SERGEF: variants seen among roughly 807,000 people sequenced by gnomAD.
The protein encoded by SERGEF is secretion regulating guanine nucleotide exchange factor, also known as secretion-regulating guanine nucleotide exchange factor.
A neutral mutation model predicts 50.0 loss-of-function variants in SERGEF; 51 were observed. The observed-to-expected ratio is 1.02, with a 90% CI of 0.81 to 1.29. The LOEUF (loss-of-function observed/expected upper bound fraction) is 1.29, where lower values mean the gene tolerates loss of function less well. Ranked by LOEUF, SERGEF falls within the 50% of genes most tolerant of loss-of-function variation. The pLI is 0.00. For missense variants in SERGEF, 521 were observed against 557.0 expected (o/e 0.94, Z 0.65); for synonymous variants, 205 against 212.4 (o/e 0.97, Z 0.30).
At chr11:17,969,517 G>A (rs1448041091) in intron 8 of SERGEF, among the ~76,000 whole-genome samples, 1 of 152,122 alleles carries the variant, frequency 6.6e-6, no homozygotes, top group Non-Finnish European at 1.5e-5. Flanking sequence ...GCTGGGGGGT[G>A]AGGAGTGTGG....
At chr11:17,914,106 A>C (rs1852003312) in intron 9 of SERGEF, among the ~76,000 whole-genome samples, 1 of 152,230 alleles carries the variant, frequency 6.6e-6, no homozygotes, top group South Asian at 2.1e-4. Context: ...GGCTACAGCC[A>C]AAATGAACTA....
chr11:17,863,033 T>G (rs1322285920), intron 10 of SERGEF, among the ~76,000 whole-genome samples: 1 of 152,224 alleles, frequency 6.6e-6, no homozygotes, highest in Non-Finnish European at 1.5e-5. Flanking sequence ...GTCAAACCTC[T>G]GCAGGGAGCA....
chr11:17,857,362 G>C (rs961337782), intron 10 of SERGEF, among the ~76,000 whole-genome samples: 1 of 152,114 alleles, frequency 6.6e-6, no homozygotes, highest in Non-Finnish European at 1.5e-5. Flanking sequence ...TATGACCCCA[G>C]GGTTCTTCTT....
chr11:17,910,235 G>T (rs1430722676), intron 9 of SERGEF, among the ~76,000 whole-genome samples: 1 of 150,368 alleles, frequency 6.7e-6, no homozygotes, highest in Non-Finnish European at 1.5e-5. Flanking sequence ...GCTAAATCTT[G>T]TAAGTTCAGG....
chr11:17,895,252 A>G (rs1292586232), intron 9 of SERGEF, among the ~76,000 whole-genome samples: 3 of 152,252 alleles, frequency 2.0e-5, no homozygotes, highest in African/African-American at 7.2e-5. Context: ...TATTGAGGCC[A>G]GGTCCTAAAG....
At chr11:17,795,740 T>C (rs1221899845) in intron 10 of SERGEF, among the ~76,000 whole-genome samples, 1 of 152,358 alleles carries the variant, frequency 6.6e-6, no homozygotes. Flanking sequence ...GGACTTGTGC[T>C]GCACACAAGA....
At chr11:17,841,774 C>T (rs1051605692) in intron 10 of SERGEF, among the ~76,000 whole-genome samples, 3 of 152,182 alleles carry the variant, frequency 2.0e-5, no homozygotes, top group Non-Finnish European at 2.9e-5. Context: ...CCCCTCCAGC[C>T]TTTTCTCTGT....
intron 9 of SERGEF, among the ~76,000 whole-genome samples, chr11:17,910,976 T>C (rs540206762): frequency 1.3e-5 from 2 of 152,152 alleles, no homozygotes; most frequent in South Asian, 4.2e-4. Context: ...AATATTTAAA[T>C]AAAAGTCAGG....
rs1590175829 is a variant in SERGEF, at chr11:17,884,087, G to C, written c.1012-5843C>G. On this transcript the variant is annotated intron_variant, in intron 9 of 10. Coordinates refer to ENST00000265965, the MANE Select transcript of SERGEF (RefSeq NM_012139.4). This position sits in a 1 kb window ranked among gnomAD's most constrained non-coding sequence, Gnocchi z 4.6. ...GGCCGCTTTCCTCTACCAGAGAGGG[G>C]TAGCCAGCCGCAGCCCAAAGGCCAC... Among the ~76,000 whole-genome samples, 1 of 152,162 alleles carries C rather than the reference G, an allele frequency of 6.6e-6. No individual in the cohort carries two copies. Among genetic ancestry groups the C allele is most frequent in the Non-Finnish European group, 1.5e-5 (1 of 68,028 alleles).
chr11:18,012,617 G>A (rs1015087537), intron 1 of SERGEF: 275 of 1,174,634 alleles, frequency 2.3e-4, no homozygotes, highest in Non-Finnish European at 2.8e-4. Context: ...TCTCCACCGA[G>A]CCCTCCGCGC....
intron 9 of SERGEF, among the ~76,000 whole-genome samples, chr11:17,937,748 T>C (rs1424761563): frequency 2.0e-5 from 3 of 152,092 alleles, no homozygotes; most frequent in Non-Finnish European, 2.9e-5. Context: ...AGATGAACTT[T>C]CTAACAGTAA....
intron 9 of SERGEF, among the ~76,000 whole-genome samples, chr11:17,925,971 T>C (rs1198059158): frequency 3.3e-5 from 5 of 152,196 alleles, no homozygotes; most frequent in African/African-American, 1.2e-4. Flanking sequence ...GGGGAAACAA[T>C]ATATTTTGAA....
At position 17,969,789 on chromosome 11, in the gene SERGEF, C is replaced by T. The variant is rs1565218552; in HGVS notation, c.845-10153G>A. 1.3e-5 allele frequency among the ~76,000 whole-genome samples: 2 copies of T among 152,150 alleles called. 1 individual carries two copies. The highest frequency in any genetic ancestry group is 4.1e-4 in the South Asian group (2 of 4,826). On this transcript the variant is annotated intron_variant, in intron 8 of 10. Transcript: ENST00000265965. ...TATGTGATTCTCCTTACACAGTGAG[C>T]ACAACACTGTTCATCTGGAGAAAGA... is the stretch of plus-strand genomic sequence containing the variant.
chr11:17,799,368 T>C (rs1849625011), intron 10 of SERGEF, among the ~76,000 whole-genome samples: 1 of 152,258 alleles, frequency 6.6e-6, no homozygotes, highest in African/African-American at 2.4e-5. Flanking sequence ...TGTTCTCCTA[T>C]CTCTTACCTG....
rs563494268 is a variant in SERGEF at position 17,951,950 on chromosome 11, C to A, written c.1011+7520G>T. ...CCATTACAGAGTAAAGTGAACTAGT[C>A]CCTCCCAGGTAGCCTCCCTGCCCTA... is the stretch of plus-strand genomic sequence containing the variant. On this transcript the variant is annotated intron_variant, in intron 9 of 10. Transcript: ENST00000265965. 2.6e-5 allele frequency among the ~76,000 whole-genome samples: 4 copies of A among 152,256 alleles called. No homozygotes were observed. The East Asian group carries it at 7.7e-4, about 29-fold the overall frequency.
intron 10 of SERGEF, among the ~76,000 whole-genome samples, chr11:17,807,930 C>T (rs748727543): frequency 3.9e-5 from 6 of 152,230 alleles, no homozygotes; most frequent in Non-Finnish European, 7.3e-5. Flanking sequence ...AAATTGAGAA[C>T]ATGCCAATTT....
At position 17,979,024 on chromosome 11, in the gene SERGEF, A is replaced by G. The variant is rs1255145145; in HGVS notation, c.844+9573T>C. ...CCAAACACAAAATCCAAATATAATG[A>G]TAACGCTTCATCTCTCTAGCAGAGA... On this transcript the variant is annotated intron_variant, in intron 8 of 10. Transcript: ENST00000265965. 3.9e-5 allele frequency among the ~76,000 whole-genome samples: 6 copies of G among 152,244 alleles called. No individual in the cohort carries two copies. In the East Asian group the frequency reaches 9.6e-4, roughly 24 times the overall value.
intron 8 of SERGEF, among the ~76,000 whole-genome samples, chr11:17,962,933 G>A (rs1019909986): frequency 1.3e-5 from 2 of 152,122 alleles, no homozygotes; most frequent in South Asian, 2.1e-4. Context: ...TGTAATCCCA[G>A]CACTTTGGGA....
intron 10 of SERGEF, among the ~76,000 whole-genome samples, chr11:17,868,575 G>A (rs1263336088): frequency 2.0e-5 from 3 of 151,992 alleles, no homozygotes; most frequent in Admixed American, 6.6e-5. Flanking sequence ...TTCCAAAGTC[G>A]CACCCACATT....
Sources: gnomAD v4.1 joint callset for allele counts (sites outside exome capture counted in the v4.1 genomes callset) on GRCh38, gnomAD v4.1.1 for gene constraint, Gnocchi (gnomAD v3.1) non-coding constraint, MANE v1.5 for transcripts, NCBI Gene and HGNC (gene_info 2026-07-23, HGNC 2026-07-21) for gene names.